Variants in SGTA observed in about 807,000 individuals in gnomAD.
The protein encoded by SGTA is small glutamine rich tetratricopeptide repeat co-chaperone alpha.
Under a neutral mutation model 44.3 loss-of-function variants are expected in SGTA, and 22 were observed. That is an observed-to-expected ratio of 0.50 (90% CI 0.36 to 0.71). The LOEUF is 0.71. Ranked by LOEUF, SGTA falls within the 30% of genes least tolerant of loss-of-function variation. The pLI is 0.00. For synonymous variants in SGTA, 174 were observed against 177.6 expected, an observed-to-expected ratio of 0.98 and a Z score of 0.16; for missense variants, 341 against 435.9, an observed-to-expected ratio of 0.78 and a Z score of 1.94.
intron 11 of SGTA, among the ~76,000 whole-genome samples, chr19:2,756,307 G>T (rs1364194796): frequency 5.9e-5 from 9 of 152,058 alleles, no homozygotes; most frequent in Non-Finnish European, 1.2e-4. Flanking sequence ...GTGGCTCTGG[G>T]TGAGAAGATT....
Position 2,769,109 on chromosome 19 carries a change from ACCCCCATCAGG to A in SGTA, c.-23-29_-23-19del. 2.0e-6 allele frequency: 3 copies of A among 1,532,370 alleles called. No individual in the cohort carries two copies. Among genetic ancestry groups the A allele is most frequent in the African/African-American group, 2.8e-5 (2 of 72,096 alleles). The allele number at this position is 1,532,370 out of a possible 1,614,324, so 94.9% of individuals were successfully genotyped here. On this transcript the variant is annotated intron_variant, in intron 1 of 11. Coordinates refer to ENST00000221566, the MANE Select transcript of SGTA (RefSeq NM_003021.4). ...GGTGATACCTGGGGGTGCAGGAAAA[ACCCCCATCAGG>A]CCCCCTCACACTCCCCACTCCAGGC...
In SGTA at chr19:2,757,421, G is replaced by A. The variant is rs1265895082; in HGVS notation, c.864C>T (p.Asn288=). The A allele has an allele frequency of 1.2e-6, 2 of 1,609,202 alleles. No individual in the cohort carries two copies. The highest frequency in any genetic ancestry group is 1.3e-5 in the African/African-American group (1 of 75,054). ...TCCTGAGCTGCTCTATCAACTCTGG[G>A]TTCTGCTGCTGCATCTGCTGGGCAA... ...QQFAQQMQQQ[N]PELIEQLRSQ... Residue 288 remains asparagine, a synonymous_variant, in exon 11 of 12, where the codon AAC becomes AAT. Coordinates refer to ENST00000221566, the MANE Select transcript of SGTA (RefSeq NM_003021.4).
rs1161477317 is a variant in SGTA at position 2,767,128 on chromosome 19, T to C, written c.292+8A>G. ...GAGGTGTCTGTGGGGATGGAGGTCC[T>C]CCCTTACCTTCGGTTTTGAGGCGCT... On this transcript the variant is annotated splice_region_variant and intron_variant, in intron 4 of 11. Coordinates refer to ENST00000221566, the MANE Select transcript of SGTA (RefSeq NM_003021.4). This position sits in a 1 kb window ranked among gnomAD's most constrained non-coding sequence, Gnocchi z 7.3. 4 of 1,604,268 alleles carry C rather than the reference T, an allele frequency of 2.5e-6. No individual in the cohort carries two copies.
At chr19:2,771,666 C>A (rs1915314136) in intron 1 of SGTA, among the ~76,000 whole-genome samples, 1 of 151,910 alleles carries the variant, frequency 6.6e-6, no homozygotes, top group Admixed American at 6.6e-5. Context: ...GCTGGTGCAC[C>A]CTCCGTGTCC....
intron 11 of SGTA, among the ~76,000 whole-genome samples, chr19:2,756,585 G>A (rs1468948630): frequency 6.6e-6 from 1 of 152,124 alleles, no homozygotes; most frequent in Non-Finnish European, 1.5e-5. Context: ...ACAAAATGAA[G>A]AGGCCACATG....
intron 8 of SGTA, chr19:2,759,567 C>T (rs575954671): frequency 3.6e-5 from 17 of 475,878 alleles, no homozygotes; most frequent in African/African-American, 2.5e-4. Context: ...CTGGCTGCTG[C>T]GGTTTTGCTG....
chr19:2,776,423 ACT>A (rs1915447174), intron 1 of SGTA, among the ~76,000 whole-genome samples: 2 of 152,310 alleles, frequency 1.3e-5, no homozygotes, highest in South Asian at 4.1e-4. Context: ...AGGACGTCGC[ACT>A]CAGTGAAATA....
intron 11 of SGTA, 63 bp downstream of exon 11, chr19:2,757,274 C>T: frequency 6.4e-7 from 1 of 1,566,226 alleles, no homozygotes; most frequent in Non-Finnish European, 8.6e-7. Flanking sequence ...GCCCTCACTG[C>T]CAGGCACTCA....
chr19:2,773,730 G>A (rs112816494), intron 1 of SGTA, among the ~76,000 whole-genome samples: 56 of 26,578 alleles, frequency 2.1e-3, no homozygotes, highest in Admixed American at 5.6e-3. Flanking sequence ...GCCACACGGC[G>A]GGGACACCGA....
rs117143769 is a variant in SGTA, at chr19:2,782,379, T to C, written c.-24+854A>G. 3.9e-5 allele frequency among the ~76,000 whole-genome samples: 6 copies of C among 152,350 alleles called. No homozygotes were observed. The East Asian group carries it at 9.6e-4, about 24-fold the overall frequency. On this transcript the variant is annotated intron_variant, in intron 1 of 11. Coordinates refer to ENST00000221566, the MANE Select transcript of SGTA (RefSeq NM_003021.4). ...ATCATTCAACCTCTGAAGGGCACAC[T>C]ACACTGCAATTTTCTGGCACCTAAT...
chr19:2,755,450 T>C lies in SGTA; in HGVS notation c.*490A>G, dbSNP rs1914793382. ...CCAGGCCGCAGCTGGCAGTGAGCTC[T>C]TCCGAGCAGGCACAGGGCCGGGGTG... On this transcript the variant is annotated 3_prime_UTR_variant, in exon 12 of 12. Coordinates refer to ENST00000221566, the MANE Select transcript of SGTA (RefSeq NM_003021.4). This position sits in a 1 kb window ranked among gnomAD's most constrained non-coding sequence, Gnocchi z 5.2. 3 of 987,682 alleles carry C rather than the reference T, an allele frequency of 3.0e-6. No homozygotes were observed. In the African/African-American group the frequency reaches 5.2e-5, roughly 17 times the overall value. The allele number at this position is 987,682 out of a possible 1,614,324, so 61.2% of individuals were successfully genotyped here.
rs192216415 is a variant in SGTA at position 2,781,006 on chromosome 19, C to G, written c.-24+2227G>C. 3.7e-4 allele frequency among the ~76,000 whole-genome samples: 56 copies of G among 152,260 alleles called. No individual in the cohort carries two copies. In the East Asian group the frequency reaches 0.01, roughly 28 times the overall value. ...GAGGCTGAGGTGGGAGGGCCTGAGC[C>G]TGGGAGGTCGAGGCTGCAGTGAGCA... On this transcript the variant is annotated intron_variant, in intron 1 of 11. Transcript: ENST00000221566.
In SGTA at chr19:2,757,911, TCAC is replaced by T. The variant is rs2144718479; in HGVS notation, c.738-132_738-130del. 8 of 601,182 alleles carry T rather than the reference TCAC, an allele frequency of 1.3e-5. No individual in the cohort carries two copies. In the South Asian group the frequency reaches 2.2e-4, roughly 17 times the overall value. 37.2% of individuals were successfully genotyped at this position (601,182 alleles called of 1,614,324 possible). A position where few individuals can be genotyped will look rare whatever the true frequency, so the allele number is the denominator to read the frequency against. Reference sequence around the variant, plus strand: ...TTCCCCTGCAGGAGAGGATTCTCTCTCACCACCTGGTGGGCCTCCAGGGCCCAA... The same window carrying T: ...TTCCCCTGCAGGAGAGGATTCTCTCTCACCTGGTGGGCCTCCAGGGCCCAA... On this transcript the variant is annotated intron_variant, in intron 9 of 11. Transcript: ENST00000221566.
chr19:2,774,282 G>A (rs2144737801), intron 1 of SGTA, among the ~76,000 whole-genome samples: 1 of 152,304 alleles, frequency 6.6e-6, no homozygotes, highest in South Asian at 2.1e-4. Flanking sequence ...AGGGACGCGT[G>A]GTCGCATGCC....
In SGTA at chr19:2,763,726, C is replaced by T. The variant is rs374479958; in HGVS notation, c.424G>A (p.Ala142Thr). The T allele has an allele frequency of 1.2e-5, 19 of 1,613,750 alleles. No homozygotes were observed. In the African/African-American group the frequency reaches 1.7e-4, roughly 15 times the overall value. Residue 142 changes from alanine to threonine, a missense_variant, in exon 6 of 12, where the codon GCA becomes ACA. By Grantham distance (58) the Ala-to-Thr change is moderately conservative. Transcript: ENST00000221566. This position sits in a 1 kb window ranked among gnomAD's most constrained non-coding sequence, Gnocchi z 5.8. The part of the protein sequence containing the change: ...AAAYSKLGNY[A>T]GAVQDCERAI... ...CGCTCACAGTCCTGCACCGCGCCTG[C>T]GTAGTTGCCGAGTTTGCTGTAGGCT...
intron 5 of SGTA, among the ~76,000 whole-genome samples, chr19:2,764,321 C>G (rs1023051104): frequency 1.3e-5 from 2 of 152,210 alleles, no homozygotes; most frequent in Non-Finnish European, 1.5e-5. Context: ...AAAACACAAC[C>G]CTCCACATAC....
chr19:2,774,863 T>C (rs1360794875), intron 1 of SGTA, among the ~76,000 whole-genome samples: 1 of 152,078 alleles, frequency 6.6e-6, no homozygotes, highest in Non-Finnish European at 1.5e-5. Context: ...CGCGCGCATG[T>C]GTGTGTGTGC....
chr19:2,761,671 A>G lies in SGTA; in HGVS notation c.637-149T>C. ...GGGTGCTTTGAGGCAGGCAGCACGA[A>G]GCACATCGCAACCGCCCGGGGACGG... On this transcript the variant is annotated intron_variant, in intron 7 of 11. Coordinates refer to ENST00000221566, the MANE Select transcript of SGTA (RefSeq NM_003021.4). The surrounding 1 kb of genome is among the most constrained non-coding windows in gnomAD (Gnocchi z 5.7). 1.5e-6 allele frequency: 1 copy of G among 682,622 alleles called. No individual in the cohort carries two copies. The highest frequency in any genetic ancestry group is 2.6e-6 in the Non-Finnish European group (1 of 390,062). 42.3% of individuals were successfully genotyped at this position (682,622 alleles called of 1,614,324 possible).
chr19:2,765,365 T>C lies in SGTA; in HGVS notation c.293-80A>G, dbSNP rs113421812. On this transcript the variant is annotated intron_variant, in intron 4 of 11. Transcript: ENST00000221566. This position sits in a 1 kb window ranked among gnomAD's most constrained non-coding sequence, Gnocchi z 5.5. Reference sequence around the variant, plus strand: ...TCAGGGAGAGAGGAAAACACCGGCCTGGTGTCCACACAGACCCGAGGGGGC... The same window carrying C: ...TCAGGGAGAGAGGAAAACACCGGCCCGGTGTCCACACAGACCCGAGGGGGC... The C allele has an allele frequency of 1.7e-3, 1,785 of 1,054,972 alleles. 1 individual carries two copies. The African/African-American group carries it at 0.028, about 16-fold the overall frequency. 65.4% of individuals were successfully genotyped at this position (1,054,972 alleles called of 1,614,324 possible).
Sources: allele counts gnomAD v4.1 joint callset (sites outside exome capture counted in the v4.1 genomes callset), GRCh38; gene constraint gnomAD v4.1.1; non-coding constraint Gnocchi (gnomAD v3.1); transcripts MANE v1.5; gene names NCBI Gene and HGNC (gene_info 2026-07-23, HGNC 2026-07-21).